The following OR56A1 variants were observed in gnomAD, a reference collection of about 807,000 sequenced individuals.
OR56A1 encodes the protein olfactory receptor 56A1.
For synonymous variants in OR56A1, 174 were observed against 159.1 expected (o/e 1.09, Z -0.70); for missense variants, 360 against 380.9 (o/e 0.94, Z 0.46).
At position 6,026,985 on chromosome 11, in the gene OR56A1, C is replaced by T. The variant is rs780178315; in HGVS notation, c.708G>A (p.Ala236=). Residue 236 remains alanine, a synonymous_variant, in exon 2 of 2, where the codon GCG becomes GCA. Coordinates refer to ENST00000641900, the MANE Select transcript of OR56A1 (RefSeq NM_001388488.1). ...CACATGTGCTCAGGGCCTTCACTGC[C>T]GCCCCCTCTGCTTTGAATCTAAGCA... ...RAVLRFKAEG[A]AVKALSTCGS... 8.0e-5 allele frequency: 129 copies of T among 1,613,774 alleles called. No individual in the cohort carries two copies. Among genetic ancestry groups the T allele is most frequent in the Non-Finnish European group, 1.0e-4 (118 of 1,179,808 alleles).
At chr11:6,034,262 C>T (rs376275935), upstream of OR56A1, 5 of 152,266 alleles carry the variant, frequency 3.3e-5, no homozygotes, top group Non-Finnish European at 5.9e-5. Flanking sequence ...CTAGGCTCCC[C>T]TCCCTTGGCC....
Position 6,026,797 on chromosome 11 carries a change from G to A in OR56A1, c.896C>T (p.Thr299Ile). 6.2e-7 allele frequency: 1 copy of A among 1,612,944 alleles called. No homozygotes were observed. The highest frequency in any genetic ancestry group is 8.5e-7 in the Non-Finnish European group (1 of 1,179,398). The change falls in exon 2 of 2, where the codon ACC becomes ATC. Residue 299 changes from threonine (T) to isoleucine (I), a missense_variant. Transcript: ENST00000641900. ...CTGAATTCCCTGTTTTATCTCTTTGGTCCGAACCCCATACACAATAGGGTT... is the reference window on the plus strand; with the variant it reads ...CTGAATTCCCTGTTTTATCTCTTTGATCCGAACCCCATACACAATAGGGTT... ...ALNPIVYGVR[T>I]KEIKQGIQKL...
Position 6,027,592 on chromosome 11 carries a change from A to T in OR56A1, c.101T>A (p.Leu34His), listed in dbSNP as rs757087365. 2 of 1,613,992 alleles carry T rather than the reference A, an allele frequency of 1.2e-6. No individual in the cohort carries two copies. The highest frequency in any genetic ancestry group is 1.1e-5 in the South Asian group (1 of 91,038). Residue 34 changes from leucine to histidine, a missense_variant, in exon 2 of 2, where the codon CTC (leucine) becomes CAC (histidine). Physicochemically the swap from Leu to His is moderately conservative, Grantham distance 99. Coordinates refer to ENST00000641900, the MANE Select transcript of OR56A1 (RefSeq NM_001388488.1). ...CATGGCCAGGAGGAAGAGAAGGCTG[A>T]GGGGCAGGGAGAGCCAGTGCTGCCA... ...QSWQHWLSLP[L>H]SLLFLLAMGA...
Position 6,027,282 on chromosome 11 carries a change from G to A in OR56A1, c.411C>T (p.Ser137=), listed in dbSNP as rs1322665884. Reference sequence around the variant, plus strand: ...TGGCCACAAATTGATTAGTGATGATGGATGGGTACCGCAGTGGGTGGCAGA... The same window carrying A: ...TGGCCACAAATTGATTAGTGATGATAGATGGGTACCGCAGTGGGTGGCAGA... ...VAICHPLRYP[S]IITNQFVAKA... The change falls in exon 2 of 2, where the codon TCC becomes TCT. Residue 137 remains serine, a synonymous_variant. Coordinates refer to ENST00000641900, the MANE Select transcript of OR56A1 (RefSeq NM_001388488.1). 1 of 1,614,108 alleles carries A rather than the reference G, an allele frequency of 6.2e-7. No individual in the cohort carries two copies. The highest frequency in any genetic ancestry group is 8.5e-7 in the Non-Finnish European group (1 of 1,180,058).
chr11:6,028,069 T>C (rs1337622780), intron 1 of OR56A1, among the ~76,000 whole-genome samples: 2 of 152,128 alleles, frequency 1.3e-5, no homozygotes, highest in Non-Finnish European at 2.9e-5. Flanking sequence ...TTTTAATAAA[T>C]CATTTTGGAG....
chr11:6,026,979 C>A lies in OR56A1; in HGVS notation c.714G>T (p.Val238=). ...GGGAGCCACATGTGCTCAGGGCCTT[C>A]ACTGCCGCCCCCTCTGCTTTGAATC... ...VLRFKAEGAA[V]KALSTCGSHF... Residue 238 remains valine, a synonymous_variant, in exon 2 of 2, where the codon GTG becomes GTT. Coordinates refer to ENST00000641900, the MANE Select transcript of OR56A1 (RefSeq NM_001388488.1). The A allele has an allele frequency of 6.2e-7, 1 of 1,614,102 alleles. No homozygotes were observed. Among genetic ancestry groups the A allele is most frequent in the Non-Finnish European group, 8.5e-7 (1 of 1,179,964 alleles).
In OR56A1 at chr11:6,026,987, C is replaced by A; in HGVS notation, c.706G>T (p.Ala236Ser). 1 of 1,613,942 alleles carries A rather than the reference C, an allele frequency of 6.2e-7. No individual in the cohort carries two copies. Among genetic ancestry groups the A allele is most frequent in the Non-Finnish European group, 8.5e-7 (1 of 1,179,828 alleles). ...CATGTGCTCAGGGCCTTCACTGCCG[C>A]CCCCTCTGCTTTGAATCTAAGCACA... ...RAVLRFKAEGAAVKALSTCGS... is the reference protein window; with the variant it reads ...RAVLRFKAEGSAVKALSTCGS... Residue 236 changes from alanine (A) to serine (S), a missense_variant, in exon 2 of 2, where the codon GCG becomes TCG. By Grantham distance (99) the Ala-to-Ser change is moderately conservative (BLOSUM62 1). Transcript: ENST00000641900.
rs1052823073 is a variant in OR56A1 at position 6,024,044 on chromosome 11, A to G, written c.*2704T>C. 6.6e-6 allele frequency: 1 copy of G among 152,182 alleles called. No individual in the cohort carries two copies. Among genetic ancestry groups the G allele is most frequent in the Non-Finnish European group, 1.5e-5 (1 of 68,026 alleles). 9.4% of individuals were successfully genotyped at this position (152,182 alleles called of 1,614,324 possible). ...TCTAAACCTCTATACTTAGAACCAG[A>G]GCAGAGAGCCAACTTTTCAAGTATG... is the stretch of plus-strand genomic sequence containing the variant. On this transcript the variant is annotated 3_prime_UTR_variant, in exon 2 of 2. Coordinates refer to ENST00000641900, the MANE Select transcript of OR56A1 (RefSeq NM_001388488.1).
At chr11:6,028,245 A>C (rs556013285) in intron 1 of OR56A1, among the ~76,000 whole-genome samples, 8 of 152,000 alleles carry the variant, frequency 5.3e-5, no homozygotes, top group Admixed American at 3.9e-4. Context: ...TATGAATATA[A>C]CTATTCATTT....
rs1590486781 is a variant in OR56A1 at position 6,026,587 on chromosome 11, C to T, written c.*161G>A. ...AGTTTCTTCCCCTTGCCTACCTCCA[C>T]CTGAACTAGGCAAGGAAAGTAAAGG... On this transcript the variant is annotated 3_prime_UTR_variant, in exon 2 of 2. Transcript: ENST00000641900. 1 of 560,696 alleles carries T rather than the reference C, an allele frequency of 1.8e-6. No individual in the cohort carries two copies. The highest frequency in any genetic ancestry group is 3.1e-6 in the Non-Finnish European group (1 of 320,810). 34.7% of individuals were successfully genotyped at this position (560,696 alleles called of 1,614,324 possible).
In OR56A1 at chr11:6,026,934, G is replaced by A. The variant is rs778120448; in HGVS notation, c.759C>T (p.Phe253=). Reference sequence around the variant, plus strand: ...CCACAACCAGCAGTATGGTGCTGAAGAAAAGAATGAGGATGAAGTGGGAGC... The same window carrying A: ...CCACAACCAGCAGTATGGTGCTGAAAAAAAGAATGAGGATGAAGTGGGAGC... ...TCGSHFILIL[F]FSTILLVVVL... is the part of the protein sequence containing the mutation. The change falls in exon 2 of 2, where the codon TTC becomes TTT. Residue 253 remains phenylalanine, a synonymous_variant. Transcript: ENST00000641900. 2 of 1,614,196 alleles carry A rather than the reference G, an allele frequency of 1.2e-6. No individual in the cohort carries two copies. The highest frequency in any genetic ancestry group is 1.1e-5 in the South Asian group (1 of 91,084).
upstream of OR56A1, among the ~76,000 whole-genome samples, chr11:6,032,205 C>T (rs1848519231): frequency 6.6e-6 from 1 of 151,978 alleles, no homozygotes; most frequent in Non-Finnish European, 1.5e-5. Flanking sequence ...TAGCTAAAGT[C>T]CATTTCAAAC....
upstream of OR56A1, among the ~76,000 whole-genome samples, chr11:6,032,542 T>C (rs1196532381): frequency 6.6e-6 from 1 of 152,250 alleles, no homozygotes; most frequent in South Asian, 2.1e-4. Flanking sequence ...GTGTTTAACA[T>C]AGATAGAAAA....
chr11:6,033,048 C>T (rs1194362663), upstream of OR56A1, among the ~76,000 whole-genome samples: 1 of 152,108 alleles, frequency 6.6e-6, no homozygotes, highest in Non-Finnish European at 1.5e-5. Context: ...TCTCTTCATG[C>T]TCCTCAGATG....
At chr11:6,028,792 C>T (rs965622078) in intron 1 of OR56A1, among the ~76,000 whole-genome samples, 1 of 151,938 alleles carries the variant, frequency 6.6e-6, no homozygotes, top group Non-Finnish European at 1.5e-5. Context: ...TAGGTATCTA[C>T]CTAAAAGAAA....
chr11:6,031,636 T>C (rs761982723), upstream of OR56A1, among the ~76,000 whole-genome samples: 3 of 152,148 alleles, frequency 2.0e-5, no homozygotes, highest in African/African-American at 7.2e-5. Flanking sequence ...GTTTACTAGC[T>C]TGAGTAAATA....
At chr11:6,029,732 T>C (rs1848494670) in intron 1 of OR56A1, among the ~76,000 whole-genome samples, 1 of 152,332 alleles carries the variant, frequency 6.6e-6, no homozygotes, top group East Asian at 1.9e-4. Context: ...TACCTTGACG[T>C]CAGTTTAAAG....
At position 6,027,512 on chromosome 11, in the gene OR56A1, G is replaced by T; in HGVS notation, c.181C>A (p.Pro61Thr). ...AGGAGGCTGAGCAGGTAGTACAGGG[G>T]CTGGTGCAGAGAGGCCTCCAGCTGG... ...TIQLEASLHQ[P>T]LYYLLSLLSL... The change falls in exon 2 of 2, where the codon CCC (proline) becomes ACC (threonine). Residue 61 changes from proline to threonine, a missense_variant. Physicochemically the swap from Pro to Thr is conservative, Grantham distance 38 (BLOSUM62 -1). Transcript: ENST00000641900. 4.3e-6 allele frequency: 7 copies of T among 1,614,090 alleles called. No homozygotes were observed. Among genetic ancestry groups the T allele is most frequent in the South Asian group, 2.2e-5 (2 of 91,058 alleles).
At chr11:6,033,189 G>A (rs1848528890), upstream of OR56A1, among the ~76,000 whole-genome samples, 2 of 151,886 alleles carry the variant, frequency 1.3e-5, no homozygotes, top group South Asian at 4.2e-4. Context: ...TTATCACCTA[G>A]GCTCTAACTC....
Sources: gnomAD v4.1 joint callset for allele counts (sites outside exome capture counted in the v4.1 genomes callset) on GRCh38, gnomAD v4.1.1 for gene constraint, MANE v1.5 for transcripts, NCBI Gene and HGNC (gene_info 2026-07-23, HGNC 2026-07-21) for gene names.